OOEP: variants seen among roughly 807,000 people sequenced by gnomAD.
OOEP encodes the protein oocyte expressed protein.
OOEP carries 16 observed loss-of-function variants against 13.7 expected under a neutral mutation model. That is an observed-to-expected ratio of 1.16 (90% confidence interval 0.79 to 1.77). OOEP has a LOEUF of 1.77. OOEP is among the 40% of genes most tolerant of loss of function. OOEP has a pLI of 0.00. For missense variants in OOEP, 195 were observed against 193.1 expected (o/e 1.01, Z -0.06); for synonymous variants, 89 against 77.1 (o/e 1.15, Z -0.81).
upstream of OOEP, chr6:73,373,408 C>T (rs1582624838): frequency 2.4e-6 from 2 of 823,376 alleles, no homozygotes; most frequent in Non-Finnish European, 4.0e-6. Context: ...CACTGGGTAG[C>T]TGAGGCAGGT....
chr6:73,385,056 G>A (rs1467719763), intron 2 of OOEP, among the ~76,000 whole-genome samples: 1 of 149,034 alleles, frequency 6.7e-6, no homozygotes, highest in Non-Finnish European at 1.5e-5. Flanking sequence ...CTTAAAAAAG[G>A]CAAATGGAGG....
At chr6:73,372,815 C>T (rs895312136), upstream of OOEP, among the ~76,000 whole-genome samples, 2 of 151,886 alleles carry the variant, frequency 1.3e-5, no homozygotes, top group East Asian at 1.9e-4. Context: ...GACGCCAGCC[C>T]GAGATCAAAA....
At chr6:73,375,070 A>G (rs1323508169) in intron 2 of OOEP, among the ~76,000 whole-genome samples, 1 of 150,874 alleles carries the variant, frequency 6.6e-6, no homozygotes, top group Non-Finnish European at 1.5e-5. Flanking sequence ...CAGGTGATCC[A>G]CCCACTTCAG....
At chr6:73,392,182 A>C (rs1321447909) in intron 2 of OOEP, among the ~76,000 whole-genome samples, 1 of 152,252 alleles carries the variant, frequency 6.6e-6, no homozygotes, top group African/African-American at 2.4e-5. Flanking sequence ...AGATGCAAAA[A>C]TCCTTAATAA....
At position 73,369,276 on chromosome 6, in the gene OOEP, G is replaced by A; in HGVS notation, c.300C>T (p.Pro100=). The A allele has an allele frequency of 6.2e-7, 1 of 1,613,942 alleles. No homozygotes were observed. Among genetic ancestry groups the A allele is most frequent in the Admixed American group, 1.7e-5 (1 of 60,004 alleles). The change falls in exon 2 of 3, where the codon CCC becomes CCT. Residue 100 remains proline (P), a synonymous_variant. Transcript: ENST00000370359. ...TGCTCTTCACCCGATTCTGTACACG[G>A]GGCCGCCCGAAAACGGTGATTTCGA... ...NLVEITVFGR[P]RVQNRVKSML... is the part of the protein sequence containing the mutation.
At chr6:73,384,705 C>T (rs570311083) in intron 2 of OOEP, among the ~76,000 whole-genome samples, 1 of 151,686 alleles carries the variant, frequency 6.6e-6, no homozygotes, top group Non-Finnish European at 1.5e-5. Context: ...CAGCCTGCCT[C>T]AACCTCCCAG....
chr6:73,382,411 T>G (rs886825214), intron 2 of OOEP, among the ~76,000 whole-genome samples: 7 of 151,144 alleles, frequency 4.6e-5, no homozygotes, highest in Non-Finnish European at 1.0e-4. Flanking sequence ...AGAGATGGGG[T>G]TTCACTATCT....
At position 73,369,235 on chromosome 6, in the gene OOEP, G is replaced by A. The variant is rs1769003934; in HGVS notation, c.341C>T (p.Ala114Val). The part of the protein sequence containing the change: ...NRVKSMLLCL[A>V]WFHREHRARA... ...GGCACGATGTTCTCGGTGAAACCATGCCAGGCACAGGAGCATGCTCTTCAC... is the reference window on the plus strand; with the variant it reads ...GGCACGATGTTCTCGGTGAAACCATACCAGGCACAGGAGCATGCTCTTCAC... Residue 114 changes from alanine to valine, a missense_variant, in exon 2 of 3, where the codon GCA becomes GTA. Ala to Val is a moderately conservative substitution (Grantham distance 64). Coordinates refer to ENST00000370359, the MANE Select transcript of OOEP (RefSeq NM_001080507.3). The A allele has an allele frequency of 6.2e-7, 1 of 1,613,030 alleles. No homozygotes were observed. Among genetic ancestry groups the A allele is most frequent in the Non-Finnish European group, 8.5e-7 (1 of 1,179,610 alleles).
At chr6:73,371,162 A>G (rs1474302115), upstream of OOEP, among the ~76,000 whole-genome samples, 10 of 152,200 alleles carry the variant, frequency 6.6e-5, no homozygotes, top group Non-Finnish European at 1.3e-4. Flanking sequence ...ATGATCATCT[A>G]GGACTGTGTG....
intron 2 of OOEP, among the ~76,000 whole-genome samples, chr6:73,382,159 C>T (rs1164995878): frequency 5.9e-5 from 9 of 151,538 alleles, no homozygotes; most frequent in Admixed American, 2.0e-4. Flanking sequence ...GTGATCCCCC[C>T]GCCTCAGCCT....
upstream of OOEP, chr6:73,369,984 C>A: frequency 1.7e-6 from 1 of 587,888 alleles, no homozygotes; most frequent in South Asian, 2.1e-5. Context: ...ACACTTCCTG[C>A]GCTGCTTCAA....
At chr6:73,392,111 A>G (rs1362179886) in intron 2 of OOEP, among the ~76,000 whole-genome samples, 1 of 152,182 alleles carries the variant, frequency 6.6e-6, no homozygotes, top group African/African-American at 2.4e-5. Flanking sequence ...GCATTACCCT[A>G]ATACTAAAAC....
At chr6:73,373,677 C>A (rs1310596048), upstream of OOEP, among the ~76,000 whole-genome samples, 2 of 152,060 alleles carry the variant, frequency 1.3e-5, no homozygotes, top group Non-Finnish European at 2.9e-5. Flanking sequence ...GCAACCTCCG[C>A]CTCCTGGGTT....
At chr6:73,394,500 GA>G (rs916213197) in intron 1 of OOEP, 479 of 547,594 alleles carry the variant, frequency 8.7e-4, no homozygotes, top group Admixed American at 9.6e-4. Flanking sequence ...TATTTAAAAA[GA>G]AAAAAAAAAG....
intron 2 of OOEP, among the ~76,000 whole-genome samples, chr6:73,384,187 G>A (rs1769239165): frequency 6.6e-6 from 1 of 152,108 alleles, no homozygotes. Context: ...ACAACTATAT[G>A]ACATAAATTA....
In OOEP at chr6:73,390,226, A is replaced by G. The variant is rs564697775; in HGVS notation, c.25+4120T>C. On this transcript the variant is annotated intron_variant, in intron 2 of 3. Coordinates refer to the OOEP transcript ENST00000370363. ...TAATCCACTGCCCAAACTCAAGGAC[A>G]TAGCTGATCCAATTAAAAACAAAAC... 8.8e-4 allele frequency among the ~76,000 whole-genome samples: 134 copies of G among 152,348 alleles called. 1 individual carries two copies. Among genetic ancestry groups the G allele is most frequent in the Non-Finnish European group, 1.4e-3 (98 of 68,032 alleles).
chr6:73,379,205 G>C (rs908082336), intron 2 of OOEP, among the ~76,000 whole-genome samples: 1 of 151,532 alleles, frequency 6.6e-6, no homozygotes, highest in Admixed American at 6.6e-5. Flanking sequence ...TTATGCTTTT[G>C]TAGAGACAGG....
intron 2 of OOEP, among the ~76,000 whole-genome samples, chr6:73,387,049 G>T (rs1038433810): frequency 3.6e-5 from 5 of 140,616 alleles, no homozygotes; most frequent in Admixed American, 1.4e-4. Flanking sequence ...ACTCTTAGCA[G>T]AAAACAGAAA....
At position 73,369,405 on chromosome 6, in the gene OOEP, C is replaced by T; in HGVS notation, c.191-20G>A. On this transcript the variant is annotated intron_variant, in intron 1 of 2. Coordinates refer to ENST00000370359, the MANE Select transcript of OOEP (RefSeq NM_001080507.3). The stretch of plus-strand genomic sequence containing the variant: ...CTGGGCCTAAACAAGTAAGGAAAAA[C>T]TCTGAGGGGCTGCACGGTGGCAGGT... 1.2e-6 allele frequency: 2 copies of T among 1,601,498 alleles called. No individual in the cohort carries two copies. The highest frequency in any genetic ancestry group is 8.5e-7 in the Non-Finnish European group (1 of 1,173,888).
Sources: gnomAD v4.1 joint callset for allele counts (sites outside exome capture counted in the v4.1 genomes callset) on GRCh38, gnomAD v4.1.1 for gene constraint, MANE v1.5 for transcripts, NCBI Gene and HGNC (gene_info 2026-07-23, HGNC 2026-07-21) for gene names.